Variants in MPPED2 observed in about 807,000 individuals in gnomAD.
The protein encoded by MPPED2 is metallophosphoesterase domain containing 2.
A neutral mutation model predicts 33.0 loss-of-function variants in MPPED2; 5 were observed. That is an observed-to-expected ratio of 0.15 (90% CI 0.08 to 0.32). The LOEUF (loss-of-function observed/expected upper bound fraction) is 0.32, where lower values mean the gene tolerates loss of function less well. Among genes scored for constraint, MPPED2 ranks in the 10% least tolerant of loss-of-function variants. MPPED2 has a pLI of 1.00. For synonymous variants in MPPED2, 136 were observed against 141.9 expected (o/e 0.96, Z 0.29); for missense variants, 275 against 372.1 (o/e 0.74, Z 2.15).
At chr11:30,584,380 C>CACACCAT (rs1957353172) in intron 1 of MPPED2, 1 of 129,916 alleles carries the variant, frequency 7.7e-6, no homozygotes, top group African/African-American at 3.7e-5. Context: ...ACACACACCA[C>CACACCAT]ATACACTCGC....
chr11:30,464,311 T>C (rs1447849430), intron 4 of MPPED2, among the ~76,000 whole-genome samples: 1 of 143,546 alleles, frequency 7.0e-6, no homozygotes, highest in Non-Finnish European at 1.5e-5. Context: ...ACCACTTGAC[T>C]ATCGTCTACA....
intron 2 of MPPED2, among the ~76,000 whole-genome samples, chr11:30,545,187 G>A (rs1233322041): frequency 6.6e-6 from 1 of 152,120 alleles, no homozygotes; most frequent in East Asian, 1.9e-4. Flanking sequence ...GGGCCACAGG[G>A]AAAGCTGAAT....
At chr11:30,524,533 G>GC (rs1954060402) in intron 3 of MPPED2, among the ~76,000 whole-genome samples, 4 of 152,202 alleles carry the variant, frequency 2.6e-5, no homozygotes, top group Admixed American at 2.6e-4. Flanking sequence ...GGTGATAACA[G>GC]CATCAACCAG....
At chr11:30,462,180 A>C (rs1950538908) in intron 4 of MPPED2, among the ~76,000 whole-genome samples, 1 of 152,232 alleles carries the variant, frequency 6.6e-6, no homozygotes, top group African/African-American at 2.4e-5. Context: ...CCTGTTCTTC[A>C]TTACCTCCTG....
chr11:30,543,595 C>T (rs942441154), intron 2 of MPPED2, among the ~76,000 whole-genome samples: 5 of 152,082 alleles, frequency 3.3e-5, no homozygotes, highest in Admixed American at 3.3e-4. Flanking sequence ...AAATGCCATC[C>T]ACATCCATCC....
chr11:30,553,337 C>G (rs1044390328), intron 2 of MPPED2, among the ~76,000 whole-genome samples: 4 of 152,140 alleles, frequency 2.6e-5, no homozygotes, highest in Non-Finnish European at 4.4e-5. Flanking sequence ...ACACTGAAAT[C>G]AGAAATCACA....
intron 4 of MPPED2, among the ~76,000 whole-genome samples, chr11:30,479,813 G>A (rs1951397844): frequency 6.6e-6 from 1 of 151,990 alleles, no homozygotes; most frequent in Admixed American, 6.6e-5. Context: ...TTATAAAAGT[G>A]CCTTTTTTAG....
intron 4 of MPPED2, among the ~76,000 whole-genome samples, chr11:30,447,504 A>G (rs985878494): frequency 1.3e-5 from 2 of 152,162 alleles, no homozygotes; most frequent in Non-Finnish European, 2.9e-5. Flanking sequence ...GTTTATTAGC[A>G]ATGCTGAGAC....
intron 6 of MPPED2, among the ~76,000 whole-genome samples, chr11:30,397,594 A>T (rs966281850): frequency 2.8e-4 from 43 of 152,128 alleles, no homozygotes; most frequent in Admixed American, 2.6e-3. Context: ...GTCTATATAA[A>T]TGCTTGATAG....
intron 2 of MPPED2, among the ~76,000 whole-genome samples, chr11:30,541,762 T>C (rs1955133335): frequency 6.6e-6 from 1 of 152,146 alleles, no homozygotes; most frequent in Non-Finnish European, 1.5e-5. Context: ...CTGGCTAATT[T>C]TGGTATTTTT....
chr11:30,411,414 G>C lies in MPPED2; in HGVS notation c.*54C>G. On this transcript the variant is annotated 3_prime_UTR_variant, in exon 7 of 7. Coordinates refer to ENST00000358117, the MANE Select transcript of MPPED2 (RefSeq NM_001584.3). ...GTAAGAGAATGTAAGTTTATAATTA[G>C]AAAAATGGCAGTTTATAGACCTTCC... The C allele has an allele frequency of 7.8e-6, 12 of 1,545,222 alleles. No homozygotes were observed. The highest frequency in any genetic ancestry group is 1.3e-5 in the South Asian group (1 of 79,150).
intron 4 of MPPED2, among the ~76,000 whole-genome samples, chr11:30,444,752 T>G (rs1949730119): frequency 6.6e-6 from 1 of 152,202 alleles, no homozygotes. Context: ...GTTTAATTTC[T>G]TCTAGCTAAA....
At chr11:30,549,592 A>G (rs1434188959) in intron 2 of MPPED2, among the ~76,000 whole-genome samples, 2 of 152,176 alleles carry the variant, frequency 1.3e-5, no homozygotes, top group Non-Finnish European at 2.9e-5. Context: ...AAGAGCAATG[A>G]TGGATAAGAT....
At chr11:30,486,020 G>A (rs1252492522) in intron 4 of MPPED2, among the ~76,000 whole-genome samples, 1 of 152,190 alleles carries the variant, frequency 6.6e-6, no homozygotes, top group African/African-American at 2.4e-5. Flanking sequence ...TGTGGTGCTG[G>A]CAAAAGAGGA....
chr11:30,485,559 C>A (rs1046549287), intron 4 of MPPED2, among the ~76,000 whole-genome samples: 47 of 103,550 alleles, frequency 4.5e-4, no homozygotes, highest in Non-Finnish European at 9.1e-4. Context: ...GAGCTCTATA[C>A]CACTGCCTCC....
rs533243356 is a variant in MPPED2, at chr11:30,580,393, G to A, written c.-20C>T. The stretch of plus-strand genomic sequence containing the variant: ...TGCCATCCTTCCTCCCTATAGGCAT[G>A]AGCAATTCACAACTTTACAGAGCAA... On this transcript the variant is annotated 5_prime_UTR_variant, in exon 2 of 7. Coordinates refer to ENST00000358117, the MANE Select transcript of MPPED2 (RefSeq NM_001584.3). The A allele has an allele frequency of 1.2e-6, 2 of 1,613,202 alleles. No individual in the cohort carries two copies. Among genetic ancestry groups the A allele is most frequent in the Admixed American group, 1.7e-5 (1 of 59,872 alleles).
intron 3 of MPPED2, among the ~76,000 whole-genome samples, chr11:30,495,834 T>C (rs1952225588): frequency 6.6e-6 from 1 of 152,212 alleles, no homozygotes; most frequent in African/African-American, 2.4e-5. Flanking sequence ...ACTTTATATT[T>C]ATCCAGTAAA....
chr11:30,532,655 CAACTT>C (rs1380689751), intron 3 of MPPED2, among the ~76,000 whole-genome samples: 1 of 152,198 alleles, frequency 6.6e-6, no homozygotes, highest in African/African-American at 2.4e-5. Flanking sequence ...AGAGTTTACA[CAACTT>C]AACAAAGGTA....
chr11:30,498,513 A>G (rs914303331), intron 3 of MPPED2, among the ~76,000 whole-genome samples: 1 of 149,094 alleles, frequency 6.7e-6, no homozygotes, highest in Non-Finnish European at 1.5e-5. Context: ...GAACCACTGT[A>G]CTCCAGCCTG....
Sources: allele counts gnomAD v4.1 joint callset (sites outside exome capture counted in the v4.1 genomes callset), GRCh38; gene constraint gnomAD v4.1.1; transcripts MANE v1.5; gene names NCBI Gene and HGNC (gene_info 2026-07-23, HGNC 2026-07-21).